Variants in PCDH15 observed in about 807,000 individuals in gnomAD.
The protein encoded by PCDH15 is protocadherin related 15.
Under a neutral mutation model 178.5 loss-of-function variants are expected in PCDH15, and 129 were observed. The observed-to-expected ratio is 0.72, with a 90% CI of 0.63 to 0.84. The LOEUF (loss-of-function observed/expected upper bound fraction) is 0.84. Among genes scored for constraint, PCDH15 ranks in the 40% least tolerant of loss-of-function variants. PCDH15 has a pLI of 0.00. For synonymous variants in PCDH15, 800 were observed against 732.0 expected, an observed-to-expected ratio of 1.09 and a Z score of -1.50; for missense variants, 2,230 against 2,099.9, an observed-to-expected ratio of 1.06 and a Z score of -1.21.
At chr10:55,005,383 T>C (rs11004667) in intron 2 of PCDH15, among the ~76,000 whole-genome samples, 4,080 of 152,122 alleles carry the variant, frequency 0.027, 293 homozygotes, top group East Asian at 0.24. Flanking sequence ...ATTATTTTAA[T>C]CAAAAATAAG....
intron 1 of PCDH15, among the ~76,000 whole-genome samples, chr10:54,698,092 A>T (rs991765015): frequency 2.0e-5 from 3 of 152,106 alleles, no homozygotes; most frequent in African/African-American, 7.2e-5. Context: ...CTATCTTCTC[A>T]TTCAATGCAG....
intron 2 of PCDH15, among the ~76,000 whole-genome samples, chr10:54,533,773 T>C (rs141546682): frequency 4.9e-4 from 75 of 152,292 alleles, no homozygotes; most frequent in Admixed American, 8.5e-4. Flanking sequence ...TTAGGAAATA[T>C]CTTCCTCTAT....
intron 2 of PCDH15, among the ~76,000 whole-genome samples, chr10:54,657,223 C>A (rs1265378567): frequency 1.3e-5 from 2 of 152,184 alleles, no homozygotes; most frequent in Non-Finnish European, 2.9e-5. Flanking sequence ...AGGTCATGAG[C>A]AAAATGCAAC....
chr10:54,805,573 A>G (rs979351263), upstream of PCDH15, among the ~76,000 whole-genome samples: 1 of 152,180 alleles, frequency 6.6e-6, no homozygotes, highest in Non-Finnish European at 1.5e-5. Context: ...AGGTAGACAT[A>G]GTTAATTTAG....
intron 3 of PCDH15, among the ~76,000 whole-genome samples, chr10:54,493,643 T>C (rs1318458828): frequency 2.0e-5 from 3 of 152,076 alleles, no homozygotes; most frequent in Admixed American, 6.6e-5. Flanking sequence ...CCCACCCGAC[T>C]GTAAACTAGT....
intron 7 of PCDH15, among the ~76,000 whole-genome samples, chr10:54,322,477 A>G (rs2061675044): frequency 6.6e-6 from 1 of 151,992 alleles, no homozygotes; most frequent in African/African-American, 2.4e-5. Context: ...AACAAGTTCA[A>G]CCAGTACTCT....
At chr10:54,973,570 T>C (rs763168298) in intron 2 of PCDH15, among the ~76,000 whole-genome samples, 1 of 152,176 alleles carries the variant, frequency 6.6e-6, no homozygotes, top group Non-Finnish European at 1.5e-5. Flanking sequence ...AGTTTCAGAA[T>C]TGGCTCAATA....
chr10:54,803,653 T>G (rs115811297), upstream of PCDH15, among the ~76,000 whole-genome samples: 2,920 of 152,300 alleles, frequency 0.019, 89 homozygotes, highest in African/African-American at 0.065. Flanking sequence ...GAGTGGTCTG[T>G]TACATGAGAG....
Position 54,775,758 on chromosome 10 carries a change from G to A in PCDH15, c.-29+25167C>T, listed in dbSNP as rs187318438. Among the ~76,000 whole-genome samples the A allele has an allele frequency of 4.6e-5, 7 of 152,214 alleles. No homozygotes were observed. In the East Asian group the frequency reaches 1.2e-3, roughly 25 times the overall value. On this transcript the variant is annotated intron_variant, in intron 1 of 37. Coordinates refer to ENST00000644397, the MANE Select transcript of PCDH15 (RefSeq NM_001384140.1). ...AAATTAGCTGGGCGTGGTGGCGGGC[G>A]CCTGTAGTCCCAGCTACTCGGAGAG...
chr10:54,926,324 T>C (rs766985126), intron 2 of PCDH15, among the ~76,000 whole-genome samples: 1 of 152,130 alleles, frequency 6.6e-6, no homozygotes. Context: ...ATAAGCTTTT[T>C]GATGTGCTGC....
intron 26 of PCDH15, among the ~76,000 whole-genome samples, chr10:53,886,080 A>G (rs774515607): frequency 2.6e-5 from 4 of 152,024 alleles, no homozygotes; most frequent in Non-Finnish European, 5.9e-5. Flanking sequence ...TGAGATTACT[A>G]TCATCTTACA....
At chr10:54,704,732 T>G (rs2095348473) in intron 1 of PCDH15, among the ~76,000 whole-genome samples, 1 of 152,170 alleles carries the variant, frequency 6.6e-6, no homozygotes, top group African/African-American at 2.4e-5. Context: ...GGTGGGAATG[T>G]AAGTTGATTA....
chr10:54,897,001 T>C (rs896389991), intron 3 of PCDH15, among the ~76,000 whole-genome samples: 1 of 152,128 alleles, frequency 6.6e-6, no homozygotes, highest in Non-Finnish European at 1.5e-5. Context: ...CAAATTCAGA[T>C]TTTAGGTTTT....
chr10:53,908,668 T>C (rs2082849621), intron 25 of PCDH15, among the ~76,000 whole-genome samples: 1 of 152,232 alleles, frequency 6.6e-6, no homozygotes. Context: ...TGTAGAAGTT[T>C]AGTCTGATTA....
intron 2 of PCDH15, among the ~76,000 whole-genome samples, chr10:54,923,317 G>A (rs115133471): frequency 0.032 from 4,375 of 138,572 alleles, 604 homozygotes; most frequent in African/African-American, 0.1. Flanking sequence ...TATTGGGTGG[G>A]ACTGGCATGA....
Position 54,561,252 on chromosome 10 carries a change from A to G in PCDH15, c.92-33375T>C, listed in dbSNP as rs567466776. ...CATTTAAGAGAAAATAAAAAAGGTC[A>G]TGAAAGGGATTTTCCACATGAGGGC... On this transcript the variant is annotated intron_variant, in intron 2 of 37. Coordinates refer to ENST00000644397, the MANE Select transcript of PCDH15 (RefSeq NM_001384140.1). Among the ~76,000 whole-genome samples the G allele has an allele frequency of 4.5e-3, 680 of 152,292 alleles. 6 individuals are homozygous for G. Among genetic ancestry groups the G allele is most frequent in the African/African-American group, 0.016 (664 of 41,578 alleles).
At chr10:55,415,613 A>C (rs1838461193) in intron 2 of PCDH15, among the ~76,000 whole-genome samples, 1 of 151,698 alleles carries the variant, frequency 6.6e-6, no homozygotes. Flanking sequence ...CTAATTTTCA[A>C]GTTAGATCAT....
chr10:54,381,950 C>A (rs975247016), intron 3 of PCDH15, among the ~76,000 whole-genome samples: 8 of 152,066 alleles, frequency 5.3e-5, no homozygotes, highest in Non-Finnish European at 1.0e-4. Flanking sequence ...TTTCTCCCTA[C>A]AAAATCAGTA....
chr10:55,080,880 A>C (rs1407999780), intron 2 of PCDH15, among the ~76,000 whole-genome samples: 3 of 152,114 alleles, frequency 2.0e-5, no homozygotes, highest in Non-Finnish European at 4.4e-5. Context: ...GTCAGTTTTC[A>C]GGCTTGCCCA....
Sources: allele counts gnomAD v4.1 joint callset (sites outside exome capture counted in the v4.1 genomes callset), GRCh38; gene constraint gnomAD v4.1.1; transcripts MANE v1.5; gene names NCBI Gene and HGNC (gene_info 2026-07-23, HGNC 2026-07-21).